The following PCDHA9 variants were observed in gnomAD, a reference collection of about 807,000 sequenced individuals.
PCDHA9 encodes the protein protocadherin alpha-9.
In PCDHA9, 62 loss-of-function variants were observed where a neutral mutation model predicts 62.0. The observed-to-expected ratio is 1.00, with a 90% CI of 0.81 to 1.23. The LOEUF is 1.23. Among genes scored for constraint, PCDHA9 ranks in the 50% most tolerant of loss-of-function variants. PCDHA9 has a pLI of 0.00. For missense variants in PCDHA9, 1,205 were observed against 1,249.8 expected, an observed-to-expected ratio of 0.96 and a Z score of 0.54; for synonymous variants, 557 against 567.6, an observed-to-expected ratio of 0.98 and a Z score of 0.27.
Position 140,883,886 on chromosome 5 carries a change from T to G in PCDHA9, c.2394+32997T>G, listed in dbSNP as rs147704126. ...GCAGTTCCAGGTGAGCGCGCGCGAC[T>G]CTGGCGTGCCGCCTCTGGGCAGCAA... On this transcript the variant is annotated intron_variant, in intron 1 of 3. Transcript: ENST00000532602. The G allele has an allele frequency of 2.5e-5, 41 of 1,613,036 alleles. No homozygotes were observed. The African/African-American group carries it at 2.7e-4, about 11-fold the overall frequency.
intron 1 of PCDHA9, chr5:140,926,735 G>A (rs2083511846): frequency 1.1e-5 from 12 of 1,140,634 alleles, no homozygotes; most frequent in African/African-American, 1.6e-5. Context: ...GCGTTCGGGA[G>A]GCGCAACGTC....
In PCDHA9 at chr5:141,010,480, A is replaced by C; in HGVS notation, c.*543A>C. The C allele has an allele frequency of 1.4e-6, 1 of 696,098 alleles. No individual in the cohort carries two copies. Among genetic ancestry groups the C allele is most frequent in the Non-Finnish European group, 2.2e-6 (1 of 452,208 alleles). 43.1% of individuals were successfully genotyped at this position (696,098 alleles called of 1,614,324 possible). A position where few individuals can be genotyped will look rare whatever the true frequency, so the allele number is the denominator to read the frequency against. On this transcript the variant is annotated 3_prime_UTR_variant, in exon 4 of 4. Transcript: ENST00000532602. ...TTATCAGTATGGAGGGGAAGTGTAA[A>C]CTTAAAGGGACCAGACTTTCTAAAT...
rs782731784 is a variant in PCDHA9, at chr5:140,857,723, G to A, written c.2394+6834G>A. 2.5e-6 allele frequency: 4 copies of A among 1,597,400 alleles called. No individual in the cohort carries two copies. Among genetic ancestry groups the A allele is most frequent in the Admixed American group, 1.7e-5 (1 of 59,286 alleles). On this transcript the variant is annotated intron_variant, in intron 1 of 3. Transcript: ENST00000532602. ...GCAGGTGTTCGTGCTGGACGAGAAC[G>A]ACAACGCTCCCGCGCTGCTGGCGTC...
At chr5:140,871,215 C>T (rs782542021) in intron 1 of PCDHA9, 2 of 1,613,854 alleles carry the variant, frequency 1.2e-6, no homozygotes, top group Non-Finnish European at 1.7e-6. Flanking sequence ...TCGCCATCTG[C>T]GTGGTGTCCA....
chr5:140,936,744 T>A (rs1204618787), intron 1 of PCDHA9, among the ~76,000 whole-genome samples: 5 of 152,216 alleles, frequency 3.3e-5, no homozygotes, highest in Non-Finnish European at 5.9e-5. Context: ...AACTTTTCAT[T>A]TGTATTGATA....
intron 1 of PCDHA9, chr5:140,875,909 C>A (rs1554168058): frequency 1.2e-6 from 2 of 1,614,048 alleles, no homozygotes; most frequent in African/African-American, 2.7e-5. Flanking sequence ...TCTGAATCTG[C>A]GCCTCTGGAC....
intron 1 of PCDHA9, among the ~76,000 whole-genome samples, chr5:140,885,615 AAT>A (rs1411025177): frequency 6.6e-6 from 1 of 152,162 alleles, no homozygotes; most frequent in African/African-American, 2.4e-5. Context: ...TTAATTATAA[AAT>A]ATGTCACTGG....
chr5:140,927,632 C>G (rs2084445013), intron 1 of PCDHA9: 2 of 1,614,142 alleles, frequency 1.2e-6, no homozygotes, highest in Non-Finnish European at 1.7e-6. Context: ...GAGACTGCAC[C>G]CAATGGGACT....
intron 1 of PCDHA9, chr5:140,929,398 A>G: frequency 6.6e-7 from 1 of 1,510,096 alleles, no homozygotes; most frequent in Non-Finnish European, 8.9e-7. Flanking sequence ...AATATTTCTT[A>G]GACAAGCCTT....
chr5:140,876,514 C>A, intron 1 of PCDHA9: 1 of 1,614,026 alleles, frequency 6.2e-7, no homozygotes, highest in East Asian at 2.2e-5. Flanking sequence ...TGACAATGTC[C>A]CTGAAGTAAT....
chr5:140,928,709 C>T (rs1563108337), intron 1 of PCDHA9: 1 of 1,614,180 alleles, frequency 6.2e-7, no homozygotes, highest in Non-Finnish European at 8.5e-7. Context: ...GCGTCTGACT[C>T]TAGTCTCTTT....
At chr5:140,895,784 T>C (rs2065158516) in intron 1 of PCDHA9, among the ~76,000 whole-genome samples, 1 of 152,166 alleles carries the variant, frequency 6.6e-6, no homozygotes, top group Non-Finnish European at 1.5e-5. Flanking sequence ...TAGTATTCAA[T>C]GACGTATATG....
Position 140,907,813 on chromosome 5 carries a change from G to A in PCDHA9, c.2394+56924G>A, listed in dbSNP as rs192249919. On this transcript the variant is annotated intron_variant, in intron 1 of 3. Coordinates refer to ENST00000532602, the MANE Select transcript of PCDHA9 (RefSeq NM_031857.2). ...AGAGGCTAAGTGGTGTCCACAGAACGAGTCATCCTATCCACTTGTTTATTA... is the reference window on the plus strand; with the variant it reads ...AGAGGCTAAGTGGTGTCCACAGAACAAGTCATCCTATCCACTTGTTTATTA... Among the ~76,000 whole-genome samples the A allele has an allele frequency of 2.7e-3, 406 of 152,332 alleles. 1 individual carries two copies. The highest frequency in any genetic ancestry group is 9.3e-3 in the African/African-American group (387 of 41,574).
At chr5:140,869,231 C>T (rs781820629) in intron 1 of PCDHA9, 29 of 1,613,712 alleles carry the variant, frequency 1.8e-5, no homozygotes, top group Non-Finnish European at 2.3e-5. Context: ...AAACACGGCA[C>T]CTTCGTGGGC....
chr5:140,967,928 A>G, intron 1 of PCDHA9: 1 of 1,614,200 alleles, frequency 6.2e-7, no homozygotes, highest in South Asian at 1.1e-5. Context: ...GGCCGTTCTC[A>G]GTGTCAATGA....
rs782451974 is a variant in PCDHA9, at chr5:141,009,822, T to A, written c.2738T>A (p.Phe913Tyr). 6.2e-7 allele frequency: 1 copy of A among 1,613,720 alleles called. No individual in the cohort carries two copies. The highest frequency in any genetic ancestry group is 2.2e-5 in the East Asian group (1 of 44,866). Residue 913 changes from phenylalanine (F) to tyrosine (Y), a missense_variant, in exon 4 of 4, where the codon TTC (phenylalanine) becomes TAC (tyrosine). Physicochemically the swap from Phe to Tyr is conservative, Grantham distance 22. Around this residue, in one of 3 missense-constraint regions of PCDHA9, gnomAD observed 887 missense variants for 809.5 expected, o/e 1.10. Transcript: ENST00000532602. ...AACAGCCAAATTGACAAAAGTGACTTCATAACCTTCGGCAAAAAGGAGGAG... is the reference window on the plus strand; with the variant it reads ...AACAGCCAAATTGACAAAAGTGACTACATAACCTTCGGCAAAAAGGAGGAG... ...PTNSQIDKSDFITFGKKEETK... is the reference protein window; with the variant it reads ...PTNSQIDKSDYITFGKKEETK...
intron 1 of PCDHA9, chr5:140,929,048 G>A (rs782818540): frequency 1.9e-5 from 31 of 1,614,088 alleles, no homozygotes; most frequent in Middle Eastern, 1.6e-4. Flanking sequence ...CAGAGCTGCT[G>A]TCGCTCTACA....
intron 1 of PCDHA9, among the ~76,000 whole-genome samples, chr5:140,932,822 A>G (rs1191525374): frequency 6.6e-6 from 1 of 151,946 alleles, no homozygotes; most frequent in Non-Finnish European, 1.5e-5. Context: ...ATAAGTGGGA[A>G]AGTATTGACA....
intron 1 of PCDHA9, chr5:140,856,046 A>G (rs781911942): frequency 1.3e-6 from 2 of 1,582,372 alleles, no homozygotes; most frequent in East Asian, 2.2e-5. Flanking sequence ...AGAGAAGGAT[A>G]AGATGGTTTC....
Sources: gnomAD v4.1 joint callset for allele counts (sites outside exome capture counted in the v4.1 genomes callset) on GRCh38, gnomAD v4.1.1 for gene constraint, gnomAD v4.1.1 regional missense constraint, MANE v1.5 for transcripts, NCBI Gene and HGNC (gene_info 2026-07-23, HGNC 2026-07-21) for gene names.